Variants in GLB1L2 observed in about 807,000 individuals in gnomAD.
The protein encoded by GLB1L2 is beta-galactosidase-1-like protein 2.
In GLB1L2, 68 loss-of-function variants were observed where a neutral mutation model predicts 84.1. That is an observed-to-expected ratio of 0.81 (90% CI 0.67 to 0.99). The LOEUF (loss-of-function observed/expected upper bound fraction) is 0.99. GLB1L2 is among the 50% of genes least tolerant of loss of function. The pLI, the probability that GLB1L2 is intolerant of heterozygous loss-of-function variation, is 0.00. For missense variants in GLB1L2, 762 were observed against 805.6 expected (o/e 0.95, Z 0.66); for synonymous variants, 290 against 318.0 (o/e 0.91, Z 0.94).
chr11:134,358,617 C>T (rs1052492363), intron 6 of GLB1L2, among the ~76,000 whole-genome samples: 16 of 152,266 alleles, frequency 1.1e-4, no homozygotes, highest in African/African-American at 2.2e-4. Context: ...CACCGGCCAG[C>T]GTGGGGAAGG....
At chr11:134,342,642 C>A in intron 1 of GLB1L2, 112 bp from the exon 2 acceptor site, 1 of 1,095,750 alleles carries the variant, frequency 9.1e-7, no homozygotes, top group Non-Finnish European at 1.3e-6. Context: ...TCCCAGCCAC[C>A]TGGACGCAGG....
chr11:134,339,975 G>GAGGGAGGT lies in GLB1L2; in HGVS notation c.87-2778_87-2771dup, dbSNP rs1943439120. 6.6e-6 allele frequency among the ~76,000 whole-genome samples: 1 copy of GAGGGAGGT among 152,138 alleles called. No individual in the cohort carries two copies. Among genetic ancestry groups the GAGGGAGGT allele is most frequent in the Admixed American group, 6.5e-5 (1 of 15,284 alleles). On this transcript the variant is annotated intron_variant, in intron 1 of 18. Coordinates refer to ENST00000535456, the MANE Select transcript of GLB1L2 (RefSeq NM_001370461.1). The surrounding 1 kb of genome is among the most constrained non-coding windows in gnomAD (Gnocchi z 5.7). Reference sequence around the variant, plus strand: ...GACCACACCTGGAGAAGTCAGCCTAGAGGGAGGTTTCCTGATCCTTAGTCA... The same window carrying GAGGGAGGT: ...GACCACACCTGGAGAAGTCAGCCTAGAGGGAGGTAGGGAGGTTTCCTGATCCTTAGTCA...
Position 134,356,300 on chromosome 11 carries a change from G to A in GLB1L2, c.559-1G>A. On this transcript the variant is annotated splice_acceptor_variant, in intron 5 of 18. Coordinates refer to ENST00000535456, the MANE Select transcript of GLB1L2 (RefSeq NM_001370461.1). LOFTEE classifies it high-confidence loss of function. The stretch of plus-strand genomic sequence containing the variant: ...CCTGGTTTTCTGTCTTTTCTCCGCA[G>A]TACAAGCGTGGGGGACCTATCATTG... The A allele has an allele frequency of 6.2e-7, 1 of 1,613,502 alleles. No individual in the cohort carries two copies. The highest frequency in any genetic ancestry group is 1.1e-5 in the South Asian group (1 of 91,066).
At position 134,338,675 on chromosome 11, in the gene GLB1L2, C is replaced by T. The variant is rs1943421817; in HGVS notation, c.87-4079C>T. 6.6e-6 allele frequency among the ~76,000 whole-genome samples: 1 copy of T among 152,236 alleles called. No individual in the cohort carries two copies. The highest frequency in any genetic ancestry group is 1.5e-5 in the Non-Finnish European group (1 of 68,038). On this transcript the variant is annotated intron_variant, in intron 1 of 18. Coordinates refer to ENST00000535456, the MANE Select transcript of GLB1L2 (RefSeq NM_001370461.1). The surrounding 1 kb of genome is among the most constrained non-coding windows in gnomAD (Gnocchi z 6.2). ...AACTTGGTACCTATGTCCTCTGCTT[C>T]AGGTTTCCATTGCAACCAATTTTTG...
At chr11:134,358,698 G>A (rs1009102882) in intron 6 of GLB1L2, among the ~76,000 whole-genome samples, 1 of 152,266 alleles carries the variant, frequency 6.6e-6, no homozygotes, top group African/African-American at 2.4e-5. Flanking sequence ...TGACCTACTC[G>A]CTGGAGCCCA....
chr11:134,366,737 GGCC>G (rs1324966940), intron 8 of GLB1L2, among the ~76,000 whole-genome samples: 2 of 152,178 alleles, frequency 1.3e-5, no homozygotes, highest in African/African-American at 4.8e-5. Flanking sequence ...TGTGCTGTAA[GGCC>G]CTGATTTTCT....
chr11:134,362,256 A>G (rs1463992231), intron 7 of GLB1L2, among the ~76,000 whole-genome samples: 1 of 152,008 alleles, frequency 6.6e-6, no homozygotes, highest in Non-Finnish European at 1.5e-5. Context: ...AGAAATGGAT[A>G]CTACCTTTCT....
At position 134,347,328 on chromosome 11, in the gene GLB1L2, G is replaced by C. The variant is rs1204762803; in HGVS notation, c.453G>C (p.Trp151Cys). 2 of 1,612,888 alleles carry C rather than the reference G, an allele frequency of 1.2e-6. No individual in the cohort carries two copies. The highest frequency in any genetic ancestry group is 1.7e-4 in the Middle Eastern group (1 of 6,058). ...TTTCCCCCGTTTACACTTCAAGCTGGCTACTCCAAGACCCTGGCATGAGGC... is the reference window on the plus strand; with the variant it reads ...TTTCCCCCGTTTACACTTCAAGCTGCCTACTCCAAGACCCTGGCATGAGGC... ...SEMDLGGLPSWLLQDPGMRLR... is the reference protein window; with the variant it reads ...SEMDLGGLPSCLLQDPGMRLR... Residue 151 changes from tryptophan to cysteine, a missense_variant, in exon 5 of 19, where the codon TGG becomes TGC. Transcript: ENST00000535456.
intron 1 of GLB1L2, among the ~76,000 whole-genome samples, chr11:134,336,590 C>T (rs993078677): frequency 3.3e-5 from 5 of 152,186 alleles, no homozygotes; most frequent in Non-Finnish European, 7.3e-5. Flanking sequence ...AGGATAGATT[C>T]ATTTTAAATC....
chr11:134,350,933 G>T (rs761007660), intron 5 of GLB1L2, among the ~76,000 whole-genome samples: 2 of 152,184 alleles, frequency 1.3e-5, no homozygotes, highest in African/African-American at 2.4e-5. Context: ...TTTTAGGGGT[G>T]TGGGGATGTG....
chr11:134,354,166 CTT>C (rs992926275), intron 5 of GLB1L2, among the ~76,000 whole-genome samples: 4 of 152,080 alleles, frequency 2.6e-5, no homozygotes, highest in African/African-American at 9.6e-5. Context: ...TATAGTGACA[CTT>C]TTTTATAACG....
chr11:134,348,735 G>A (rs1440132628), intron 5 of GLB1L2, among the ~76,000 whole-genome samples: 3 of 152,182 alleles, frequency 2.0e-5, no homozygotes, highest in Non-Finnish European at 4.4e-5. Context: ...CCTAGACTGA[G>A]TGGCTTACAG....
At chr11:134,372,131 G>T (rs1048164742) in intron 15 of GLB1L2, among the ~76,000 whole-genome samples, 2 of 152,210 alleles carry the variant, frequency 1.3e-5, no homozygotes, top group Non-Finnish European at 2.9e-5. Context: ...GTCTGCTTGG[G>T]GGGGCGGCAG....
intron 1 of GLB1L2, among the ~76,000 whole-genome samples, chr11:134,341,482 C>T (rs1478489730): frequency 6.6e-6 from 1 of 152,182 alleles, no homozygotes; most frequent in Non-Finnish European, 1.5e-5. Context: ...TTTGGAAGAA[C>T]TGTGTCCTAA....
chr11:134,370,921 C>T lies in GLB1L2; in HGVS notation c.1216-87C>T. On this transcript the variant is annotated intron_variant, in intron 12 of 18. Transcript: ENST00000535456. This position sits in a 1 kb window ranked among gnomAD's most constrained non-coding sequence, Gnocchi z 4.7. Reference sequence around the variant, plus strand: ...AAAACACCCACCAAACCTCCGCTTCCACCCCATGTGCCAGCCCCCAGGCAG... The same window carrying T: ...AAAACACCCACCAAACCTCCGCTTCTACCCCATGTGCCAGCCCCCAGGCAG... 6.7e-7 allele frequency: 1 copy of T among 1,483,182 alleles called. No individual in the cohort carries two copies. The highest frequency in any genetic ancestry group is 9.2e-7 in the Non-Finnish European group (1 of 1,081,778). 91.9% of individuals were successfully genotyped at this position (1,483,182 alleles called of 1,614,324 possible).
intron 6 of GLB1L2, among the ~76,000 whole-genome samples, chr11:134,358,110 G>A (rs754277538): frequency 3.3e-4 from 50 of 152,292 alleles, no homozygotes; most frequent in African/African-American, 6.5e-4. Context: ...AGCCTTATTC[G>A]CCCAGCAGAT....
chr11:134,368,645 G>A lies in GLB1L2; in HGVS notation c.891G>A (p.Glu297=). ...TCCCCTTTCTCCCTCCTCCGGCAGA[G>A]GTTTTGAAAACCGTGTCTGCCATTG... ...GGPHNILDSS[E]VLKTVSAIVD... The change falls in exon 10 of 19, where the codon GAG becomes GAA. Residue 297 remains glutamate, a splice_region_variant and synonymous_variant. Coordinates refer to ENST00000535456, the MANE Select transcript of GLB1L2 (RefSeq NM_001370461.1). 1.9e-6 allele frequency: 3 copies of A among 1,613,682 alleles called. No individual in the cohort carries two copies. Among genetic ancestry groups the A allele is most frequent in the South Asian group, 1.1e-5 (1 of 91,090 alleles).
chr11:134,373,220 GCTC>G (rs1412835097), intron 15 of GLB1L2, among the ~76,000 whole-genome samples: 6 of 152,178 alleles, frequency 3.9e-5, no homozygotes, highest in Non-Finnish European at 5.9e-5. Flanking sequence ...CTGATGAGTG[GCTC>G]CTCAAGAGGA....
At chr11:134,368,924 A>T (rs1448375582) in intron 10 of GLB1L2, 143 bp downstream of exon 10, 5 of 852,062 alleles carry the variant, frequency 5.9e-6, no homozygotes, top group Non-Finnish European at 9.0e-6. Flanking sequence ...TTGCCTGGAC[A>T]GTCATGTTAC....
Sources: allele counts gnomAD v4.1 joint callset (sites outside exome capture counted in the v4.1 genomes callset), GRCh38; gene constraint gnomAD v4.1.1; non-coding constraint Gnocchi (gnomAD v3.1); transcripts MANE v1.5; gene names NCBI Gene and HGNC (gene_info 2026-07-23, HGNC 2026-07-21).